Variants in ORC4 observed in about 807,000 individuals in gnomAD.
ORC4 encodes the protein origin recognition complex subunit 4, also known as origin recognition complex, subunit 4 homolog.
A neutral mutation model predicts 63.9 loss-of-function variants in ORC4; 55 were observed. The ratio of observed to expected loss-of-function variants is 0.86; its 90% CI spans 0.69 to 1.08. The LOEUF (loss-of-function observed/expected upper bound fraction) is 1.08, where lower values mean the gene tolerates loss of function less well. ORC4 is among the 50% of genes least tolerant of loss of function. The pLI, the probability that ORC4 is intolerant of heterozygous loss-of-function variation, is 0.00. For synonymous variants in ORC4, 150 were observed against 168.5 expected, an observed-to-expected ratio of 0.89 and a Z score of 0.85; for missense variants, 511 against 504.4, an observed-to-expected ratio of 1.01 and a Z score of -0.13.
intron 1 of ORC4, among the ~76,000 whole-genome samples, chr2:148,016,812 A>G (rs1693324934): frequency 6.6e-6 from 1 of 152,236 alleles, no homozygotes; most frequent in East Asian, 1.9e-4. Context: ...CGCTGTCCCA[A>G]ACCACAATTT....
At chr2:147,951,795 C>G (rs2105296422) in intron 8 of ORC4, among the ~76,000 whole-genome samples, 1 of 152,252 alleles carries the variant, frequency 6.6e-6, no homozygotes, top group Admixed American at 6.5e-5. Context: ...CACAAAAAGG[C>G]CTGTACTGCT....
chr2:147,956,120 C>A (rs1350180614), intron 6 of ORC4, among the ~76,000 whole-genome samples: 3 of 151,958 alleles, frequency 2.0e-5, no homozygotes, highest in Admixed American at 6.6e-5. Context: ...TTACTTCATT[C>A]AGAGTTCATA....
chr2:147,937,728 G>A lies in ORC4; in HGVS notation c.1122+418C>T, dbSNP rs557867024. 2.0e-5 allele frequency among the ~76,000 whole-genome samples: 3 copies of A among 152,310 alleles called. No individual in the cohort carries two copies. In the East Asian group the frequency reaches 5.8e-4, roughly 29 times the overall value. ...GAAGTCCTGAAGTTGTAAAACTCAT[G>A]ACTCAGCCCCCAAATAACACTTTCT... On this transcript the variant is annotated intron_variant, in intron 13 of 13. Transcript: ENST00000392857.
At chr2:147,953,780 G>A (rs1689101540) in intron 7 of ORC4, among the ~76,000 whole-genome samples, 2 of 152,000 alleles carry the variant, frequency 1.3e-5, no homozygotes, top group South Asian at 4.1e-4. Flanking sequence ...TAGGCTTAAC[G>A]CCTTTATATT....
intron 1 of ORC4, among the ~76,000 whole-genome samples, chr2:148,010,565 T>C (rs1692904751): frequency 6.6e-6 from 1 of 152,006 alleles, no homozygotes; most frequent in Non-Finnish European, 1.5e-5. Context: ...TTTGAACAAC[T>C]GCATGCCAAT....
chr2:147,959,071 A>C (rs920212370), intron 4 of ORC4, among the ~76,000 whole-genome samples: 1 of 152,020 alleles, frequency 6.6e-6, no homozygotes, highest in African/African-American at 2.4e-5. Context: ...GGACTGATAC[A>C]ATATTCTCTC....
At chr2:147,972,214 T>C (rs1690253070) in intron 4 of ORC4, among the ~76,000 whole-genome samples, 1 of 152,018 alleles carries the variant, frequency 6.6e-6, no homozygotes, top group African/African-American at 2.4e-5. Flanking sequence ...GAGACAAGAA[T>C]GATATAAGAT....
At chr2:148,003,057 C>T (rs6729803) in intron 1 of ORC4, among the ~76,000 whole-genome samples, 49,151 of 151,606 alleles carry the variant, frequency 0.32, 8,152 homozygotes, top group East Asian at 0.51. Context: ...CAAGACTAAA[C>T]CAGGAAGAAG....
chr2:147,955,241 T>C, intron 7 of ORC4, 106 bp downstream of exon 7: 2 of 733,646 alleles, frequency 2.7e-6, no homozygotes, highest in South Asian at 3.3e-5. Flanking sequence ...TTTCTGTATT[T>C]TATGAGAGCT....
chr2:147,948,610 C>A (rs1688781656), intron 8 of ORC4, among the ~76,000 whole-genome samples: 1 of 150,516 alleles, frequency 6.6e-6, no homozygotes, highest in Admixed American at 6.6e-5. Context: ...GCAGCAGGAA[C>A]CAACTTTAGG....
In ORC4 at chr2:147,941,963, G is replaced by A. The variant is rs551027974; in HGVS notation, c.849+1473C>T. On this transcript the variant is annotated intron_variant, in intron 10 of 13. Coordinates refer to ENST00000392857, the MANE Select transcript of ORC4 (RefSeq NM_181741.4). ...GAAAGAAAACTTGTATATAAACATG[G>A]GTGAACCATACAGCCAAGTAGGACA... 5.1e-4 allele frequency among the ~76,000 whole-genome samples: 77 copies of A among 152,172 alleles called. 1 individual carries two copies. Among genetic ancestry groups the A allele is most frequent in the African/African-American group, 1.7e-3 (70 of 41,532 alleles).
At chr2:147,981,191 G>A (rs546823117) in intron 1 of ORC4, among the ~76,000 whole-genome samples, 3 of 152,216 alleles carry the variant, frequency 2.0e-5, no homozygotes, top group South Asian at 2.1e-4. Flanking sequence ...ATTCCAAGGC[G>A]CCCCTCGCAT....
intron 4 of ORC4, among the ~76,000 whole-genome samples, chr2:147,959,758 G>A (rs939520225): frequency 5.3e-5 from 8 of 152,028 alleles, no homozygotes; most frequent in African/African-American, 1.7e-4. Flanking sequence ...TTAAAGCATA[G>A]GGAATTCCAG....
chr2:147,952,812 A>T (rs1573774618), intron 7 of ORC4, among the ~76,000 whole-genome samples: 1 of 151,908 alleles, frequency 6.6e-6, no homozygotes, highest in East Asian at 1.9e-4. Context: ...GGATCACCTG[A>T]GGTCGGGAGT....
chr2:147,940,628 T>G (rs1453646636), intron 10 of ORC4, among the ~76,000 whole-genome samples: 2 of 150,448 alleles, frequency 1.3e-5, no homozygotes, highest in African/African-American at 5.0e-5. Flanking sequence ...TATGGATATA[T>G]GGATATATAT....
At chr2:147,938,722 G>C in intron 11 of ORC4, 1 of 342,486 alleles carries the variant, frequency 2.9e-6, no homozygotes, top group African/African-American at 2.1e-5. Context: ...AAATCACACA[G>C]GGCCTTTGCG....
rs530119252 is a variant in ORC4, at chr2:147,934,355, T to C, written c.*1155A>G. ...TTAAATATATGCCTCTGTTAATTCA[T>C]GGATCTTGGAACTTACTTAAAAGAC... On this transcript the variant is annotated 3_prime_UTR_variant, in exon 14 of 14. Coordinates refer to ENST00000392857, the MANE Select transcript of ORC4 (RefSeq NM_181741.4). 6.6e-6 allele frequency: 1 copy of C among 152,300 alleles called. No individual in the cohort carries two copies. Among genetic ancestry groups the C allele is most frequent in the South Asian group, 2.1e-4 (1 of 4,828 alleles). 9.4% of individuals were successfully genotyped at this position (152,300 alleles called of 1,614,324 possible).
In ORC4 at chr2:147,933,854, T is replaced by C. The variant is rs1335813923; in HGVS notation, c.*1656A>G. On this transcript the variant is annotated 3_prime_UTR_variant, in exon 14 of 14. Transcript: ENST00000392857. ...ATGCAAGCCTTAGCTTGAATGAGACTGCTGAGAAGTAAATGACAGGGATCT... is the reference window on the plus strand; with the variant it reads ...ATGCAAGCCTTAGCTTGAATGAGACCGCTGAGAAGTAAATGACAGGGATCT... 1.3e-5 allele frequency: 2 copies of C among 152,122 alleles called. No homozygotes were observed. The highest frequency in any genetic ancestry group is 4.8e-5 in the African/African-American group (2 of 41,450). 9.4% of individuals were successfully genotyped at this position (152,122 alleles called of 1,614,324 possible).
At chr2:147,960,564 CTAAGA>C (rs1183114737) in intron 4 of ORC4, among the ~76,000 whole-genome samples, 1 of 152,188 alleles carries the variant, frequency 6.6e-6, no homozygotes, top group Non-Finnish European at 1.5e-5. Context: ...TACAAACATA[CTAAGA>C]TAATTTTCTT....
Sources: allele counts gnomAD v4.1 joint callset (sites outside exome capture counted in the v4.1 genomes callset), GRCh38; gene constraint gnomAD v4.1.1; transcripts MANE v1.5; gene names NCBI Gene and HGNC (gene_info 2026-07-23, HGNC 2026-07-21).